KIRREL3: variants seen among roughly 807,000 people sequenced by gnomAD.
The protein encoded by KIRREL3 is kirre like nephrin family adhesion molecule 3, also known as kin of IRRE-like protein 3.
Under a neutral mutation model 89.7 loss-of-function variants are expected in KIRREL3, and 36 were observed. The observed-to-expected ratio is 0.40, with a 90% CI of 0.31 to 0.53. The LOEUF (loss-of-function observed/expected upper bound fraction) is 0.53. KIRREL3 is among the 20% of genes least tolerant of loss of function. The pLI, the probability that KIRREL3 is intolerant of heterozygous loss-of-function variation, is 0.49. For missense variants in KIRREL3, 864 were observed against 1,056.6 expected (o/e 0.82, Z 2.53); for synonymous variants, 445 against 441.4 (o/e 1.01, Z -0.10).
At chr11:126,644,955 C>T (rs866779106) in intron 1 of KIRREL3, among the ~76,000 whole-genome samples, 1 of 152,118 alleles carries the variant, frequency 6.6e-6, no homozygotes, top group Non-Finnish European at 1.5e-5. Context: ...TACAAGGCAC[C>T]GTTGCAGCCC....
At chr11:126,770,417 G>T (rs1486434294) in intron 1 of KIRREL3, among the ~76,000 whole-genome samples, 1 of 152,164 alleles carries the variant, frequency 6.6e-6, no homozygotes, top group East Asian at 1.9e-4. Context: ...TCAGTGAGTG[G>T]GTTGAGAGAG....
At chr11:126,785,805 T>A (rs1165056268) in intron 1 of KIRREL3, among the ~76,000 whole-genome samples, 10 of 123,596 alleles carry the variant, frequency 8.1e-5, no homozygotes, top group Non-Finnish European at 3.1e-5. Flanking sequence ...ACCCAGGAGG[T>A]GGAGATTGCA....
rs1159399219 is a variant in KIRREL3, at chr11:126,645,347, A to G, written c.56-82435T>C. Among the ~76,000 whole-genome samples, 1 of 152,180 alleles carries G rather than the reference A, an allele frequency of 6.6e-6. No homozygotes were observed. Among genetic ancestry groups the G allele is most frequent in the African/African-American group, 2.4e-5 (1 of 41,444 alleles). On this transcript the variant is annotated intron_variant, in intron 1 of 16. Coordinates refer to ENST00000525144, the MANE Select transcript of KIRREL3 (RefSeq NM_032531.4). This position sits in a 1 kb window ranked among gnomAD's most constrained non-coding sequence, Gnocchi z 4.9. ...CTCAAATCCTGAATACTTCTCTCCC[A>G]GAGCATTTACCACACGGTGCTGCTG... is the stretch of plus-strand genomic sequence containing the variant.
chr11:126,799,172 AT>A (rs1028044595), intron 1 of KIRREL3, among the ~76,000 whole-genome samples: 1 of 51,832 alleles, frequency 1.9e-5, no homozygotes, highest in African/African-American at 9.1e-5. Flanking sequence ...ATGTGTGTGT[AT>A]GTGTGTACCT....
chr11:126,847,415 G>T (rs1422190343), intron 1 of KIRREL3, among the ~76,000 whole-genome samples: 2 of 152,100 alleles, frequency 1.3e-5, no homozygotes, highest in Non-Finnish European at 2.9e-5. Context: ...GTCATCCACA[G>T]ACAATTGTTG....
At position 126,651,360 on chromosome 11, in the gene KIRREL3, C is replaced by T. The variant is rs1031827818; in HGVS notation, c.56-88448G>A. 1.3e-5 allele frequency among the ~76,000 whole-genome samples: 2 copies of T among 152,160 alleles called. No homozygotes were observed. The highest frequency in any genetic ancestry group is 2.9e-5 in the Non-Finnish European group (2 of 68,042). ...TCTCACAAATTCCAGTGATAAACTC[C>T]ACTCCATGTCTCAAACAGGGACTAT... On this transcript the variant is annotated intron_variant, in intron 1 of 16. Coordinates refer to ENST00000525144, the MANE Select transcript of KIRREL3 (RefSeq NM_032531.4). The surrounding 1 kb of genome is among the most constrained non-coding windows in gnomAD (Gnocchi z 4.6).
chr11:126,517,136 A>AAGAGAGAGAGAGAGAGAGAGAGAGAGAG (rs199586143), intron 4 of KIRREL3, among the ~76,000 whole-genome samples: 1 of 140,812 alleles, frequency 7.1e-6, no homozygotes, highest in African/African-American at 2.6e-5. Context: ...GAGAGAGAGA[A>AAGAGAGAGAGAGAGAGAGAGAGAGAGAG]AGAGAGAGAG....
At position 126,570,512 on chromosome 11, in the gene KIRREL3, C is replaced by T. The variant is rs965397865; in HGVS notation, c.56-7600G>A. Among the ~76,000 whole-genome samples, 7 of 152,114 alleles carry T rather than the reference C, an allele frequency of 4.6e-5. No individual in the cohort carries two copies. The highest frequency in any genetic ancestry group is 1.4e-4 in the African/African-American group (6 of 41,418). ...ATAATTCCAAAAACTTGTTGTGACC[C>T]GCCAGCCCATCTCACCAGCTCCAGC... On this transcript the variant is annotated intron_variant, in intron 1 of 16. Coordinates refer to ENST00000525144, the MANE Select transcript of KIRREL3 (RefSeq NM_032531.4). The surrounding 1 kb of genome is among the most constrained non-coding windows in gnomAD (Gnocchi z 6.1).
chr11:126,651,979 A>T lies in KIRREL3; in HGVS notation c.56-89067T>A, dbSNP rs58237732. On this transcript the variant is annotated intron_variant, in intron 1 of 16. Coordinates refer to ENST00000525144, the MANE Select transcript of KIRREL3 (RefSeq NM_032531.4). The surrounding 1 kb of genome is among the most constrained non-coding windows in gnomAD (Gnocchi z 4.6). Reference sequence around the variant, plus strand: ...TGAATTCAGATATTTAAATGATGGTAGGGTAAGTCATTATGCCAATGGGAG... The same window carrying T: ...TGAATTCAGATATTTAAATGATGGTTGGGTAAGTCATTATGCCAATGGGAG... 0.02 allele frequency among the ~76,000 whole-genome samples: 3,001 copies of T among 152,306 alleles called. 132 individuals are homozygous for T. The highest frequency in any genetic ancestry group is 0.068 in the African/African-American group (2,819 of 41,548).
At chr11:126,690,783 G>A (rs896902617) in intron 1 of KIRREL3, among the ~76,000 whole-genome samples, 8 of 152,202 alleles carry the variant, frequency 5.3e-5, no homozygotes, top group Non-Finnish European at 5.9e-5. Context: ...AGCTGCTGTC[G>A]TGAATACAAG....
intron 1 of KIRREL3, among the ~76,000 whole-genome samples, chr11:126,662,591 C>T (rs1565629776): frequency 1.3e-5 from 2 of 152,282 alleles, no homozygotes; most frequent in South Asian, 4.1e-4. Context: ...AAGCCTCTTG[C>T]ATAAGGGCAT....
intron 1 of KIRREL3, among the ~76,000 whole-genome samples, chr11:126,786,690 G>A (rs1950497487): frequency 3.3e-5 from 5 of 152,204 alleles, no homozygotes; most frequent in Non-Finnish European, 5.9e-5. Flanking sequence ...GCCAACTCTA[G>A]GCCTGCATGC....
rs1038970100 is a variant in KIRREL3 at position 126,860,693 on chromosome 11, G to T, written c.55+139762C>A. 6.6e-6 allele frequency among the ~76,000 whole-genome samples: 1 copy of T among 152,196 alleles called. No homozygotes were observed. The highest frequency in any genetic ancestry group is 1.5e-5 in the Non-Finnish European group (1 of 68,020). On this transcript the variant is annotated intron_variant, in intron 1 of 16. Coordinates refer to ENST00000525144, the MANE Select transcript of KIRREL3 (RefSeq NM_032531.4). This position sits in a 1 kb window ranked among gnomAD's most constrained non-coding sequence, Gnocchi z 4.6. ...GGCTTGGGGGGCTGTGTGTTTGAGAGACTTCTTCCCAACCACAGGGTGGAG... is the reference window on the plus strand; with the variant it reads ...GGCTTGGGGGGCTGTGTGTTTGAGATACTTCTTCCCAACCACAGGGTGGAG...
rs1951413022 is a variant in KIRREL3, at chr11:126,812,188, A to G, written c.55+188267T>C. On this transcript the variant is annotated intron_variant, in intron 1 of 16. Transcript: ENST00000525144. The surrounding 1 kb of genome is among the most constrained non-coding windows in gnomAD (Gnocchi z 5.2). Reference sequence around the variant, plus strand: ...TTCTTTCTATTGTGATCATAAGAAGAAGAAGGCCAAAGGATCATTAATTTC... The same window carrying G: ...TTCTTTCTATTGTGATCATAAGAAGGAGAAGGCCAAAGGATCATTAATTTC... Among the ~76,000 whole-genome samples the G allele has an allele frequency of 6.6e-6, 1 of 152,210 alleles. No homozygotes were observed. The highest frequency in any genetic ancestry group is 2.1e-4 in the South Asian group (1 of 4,830).
At chr11:126,534,423 C>T (rs1959038814) in intron 2 of KIRREL3, among the ~76,000 whole-genome samples, 1 of 152,222 alleles carries the variant, frequency 6.6e-6, no homozygotes, top group Non-Finnish European at 1.5e-5. Context: ...GTCTCTCTCC[C>T]ACATTCGCTT....
rs1258224880 is a variant in KIRREL3, at chr11:126,528,139, TCCCTTTTTCC to T, written c.134-1462_134-1453del. Among the ~76,000 whole-genome samples, 1 of 152,128 alleles carries T rather than the reference TCCCTTTTTCC, an allele frequency of 6.6e-6. No individual in the cohort carries two copies. The highest frequency in any genetic ancestry group is 2.4e-5 in the African/African-American group (1 of 41,420). ...AGGGGCCCATCTGCATTCCAAGCCCTCCCTTTTTCCTACCTCCTGCTCTACAGACCCAGAC... is the reference window on the plus strand; with the variant it reads ...AGGGGCCCATCTGCATTCCAAGCCCTTACCTCCTGCTCTACAGACCCAGAC... On this transcript the variant is annotated intron_variant, in intron 2 of 16. Coordinates refer to ENST00000525144, the MANE Select transcript of KIRREL3 (RefSeq NM_032531.4). The surrounding 1 kb of genome is among the most constrained non-coding windows in gnomAD (Gnocchi z 4.6).
At chr11:126,505,898 A>ACGCAATTCCTAT (rs1275465115) in intron 4 of KIRREL3, among the ~76,000 whole-genome samples, 3 of 152,236 alleles carry the variant, frequency 2.0e-5, no homozygotes, top group African/African-American at 7.2e-5. Flanking sequence ...TATAGCTTTC[A>ACGCAATTCCTAT]CGCAATTCCT....
At position 126,424,850 on chromosome 11, in the gene KIRREL3, G is replaced by A. The variant is rs376728531; in HGVS notation, c.2067C>T (p.Tyr689=). Reference sequence around the variant, plus strand: ...CCAGCACAAACCGCTGCCCGTAGTCGTAGAGGCGGCCCTGGCCGCTCAGGG... The same window carrying A: ...CCAGCACAAACCGCTGCCCGTAGTCATAGAGGCGGCCCTGGCCGCTCAGGG... ...YSTLSGQGRL[Y]DYGQRFVLGM... The change falls in exon 17 of 17, where the codon TAC becomes TAT. Residue 689 remains tyrosine, a synonymous_variant. Transcript: ENST00000525144. 3.4e-5 allele frequency: 55 copies of A among 1,613,856 alleles called. No individual in the cohort carries two copies. The highest frequency in any genetic ancestry group is 4.5e-5 in the East Asian group (2 of 44,888).
chr11:126,871,492 G>A (rs1340712585), intron 1 of KIRREL3, among the ~76,000 whole-genome samples: 1 of 152,094 alleles, frequency 6.6e-6, no homozygotes, highest in Non-Finnish European at 1.5e-5. Flanking sequence ...AGAAAGAAAG[G>A]AAGAAAAACT....
Sources: allele counts gnomAD v4.1 joint callset (sites outside exome capture counted in the v4.1 genomes callset), GRCh38; gene constraint gnomAD v4.1.1; non-coding constraint Gnocchi (gnomAD v3.1); transcripts MANE v1.5; gene names NCBI Gene and HGNC (gene_info 2026-07-23, HGNC 2026-07-21).